The following CCDC148 variants were observed in gnomAD, a reference collection of about 807,000 sequenced individuals.
CCDC148 encodes the protein coiled-coil domain containing 148.
CCDC148 carries 89 observed loss-of-function variants against 85.7 expected under a neutral mutation model. That is an observed-to-expected ratio of 1.04 (90% CI 0.87 to 1.24). CCDC148 has a LOEUF of 1.24. CCDC148 is among the 50% of genes most tolerant of loss of function. The probability of loss-of-function intolerance (pLI) is 0.00; values close to 1 mark genes in which losing one functional copy is unlikely to be tolerated. For synonymous variants in CCDC148, 230 were observed against 213.9 expected, an observed-to-expected ratio of 1.08 and a Z score of -0.66; for missense variants, 692 against 671.7, an observed-to-expected ratio of 1.03 and a Z score of -0.33.
intron 10 of CCDC148, among the ~76,000 whole-genome samples, chr2:158,238,030 G>C (rs972427243): frequency 6.6e-6 from 1 of 151,940 alleles, no homozygotes; most frequent in Non-Finnish European, 1.5e-5. Flanking sequence ...ATGTTGGCAA[G>C]TGCGACATTG....
At chr2:158,414,367 C>T (rs1686397453) in intron 1 of CCDC148, among the ~76,000 whole-genome samples, 1 of 152,176 alleles carries the variant, frequency 6.6e-6, no homozygotes, top group Non-Finnish European at 1.5e-5. Context: ...TCTTCTGCAG[C>T]TTGTAGGATC....
At chr2:158,209,991 G>A (rs1686470770) in intron 11 of CCDC148, among the ~76,000 whole-genome samples, 1 of 152,124 alleles carries the variant, frequency 6.6e-6, no homozygotes, top group African/African-American at 2.4e-5. Flanking sequence ...TGGGCTAAAT[G>A]CCCCAATTAA....
rs565790875 is a variant in CCDC148 at position 158,277,801 on chromosome 2, T to C, written c.1111-26889A>G. Among the ~76,000 whole-genome samples the C allele has an allele frequency of 7.9e-5, 12 of 152,318 alleles. No individual in the cohort carries two copies. In the East Asian group the frequency reaches 9.7e-4, roughly 12 times the overall value. ...TTAGTAGAGATGGGGTTTCACCGTGTTAGCCAGGATGGTCTCAATCTCCTG... is the reference window on the plus strand; with the variant it reads ...TTAGTAGAGATGGGGTTTCACCGTGCTAGCCAGGATGGTCTCAATCTCCTG... On this transcript the variant is annotated intron_variant, in intron 9 of 13. Transcript: ENST00000283233.
chr2:158,434,673 T>C (rs555413987), intron 1 of CCDC148, among the ~76,000 whole-genome samples: 2 of 152,162 alleles, frequency 1.3e-5, no homozygotes, highest in East Asian at 3.9e-4. Context: ...AATAACAAAC[T>C]TCTCTGAGCT....
chr2:158,346,370 C>T (rs1156700462), intron 2 of CCDC148, among the ~76,000 whole-genome samples: 3 of 152,188 alleles, frequency 2.0e-5, no homozygotes, highest in Non-Finnish European at 4.4e-5. Flanking sequence ...TGAACAGTTC[C>T]ACTACGGTTC....
At chr2:158,244,376 C>T (rs1246109968) in intron 10 of CCDC148, among the ~76,000 whole-genome samples, 1 of 152,104 alleles carries the variant, frequency 6.6e-6, no homozygotes, top group Non-Finnish European at 1.5e-5. Context: ...TGGTTGGGCT[C>T]TCTGCTTATG....
intron 7 of CCDC148, among the ~76,000 whole-genome samples, chr2:158,331,997 C>G (rs909843153): frequency 6.6e-6 from 1 of 152,058 alleles, no homozygotes; most frequent in Admixed American, 6.5e-5. Context: ...GAGCATTTAG[C>G]CCATTTACAT....
chr2:158,247,152 G>A (rs1399363277), intron 10 of CCDC148, among the ~76,000 whole-genome samples: 1 of 152,004 alleles, frequency 6.6e-6, no homozygotes, highest in Non-Finnish European at 1.5e-5. Context: ...TTTATAAAGA[G>A]CTTTTACATA....
intron 1 of CCDC148, among the ~76,000 whole-genome samples, chr2:158,408,401 A>C (rs1387317980): frequency 2.6e-5 from 4 of 152,002 alleles, no homozygotes; most frequent in African/African-American, 9.7e-5. Flanking sequence ...TCTTCTCCCA[A>C]CCCCTGGCAA....
At chr2:158,374,874 C>A (rs937152577) in intron 1 of CCDC148, among the ~76,000 whole-genome samples, 1 of 151,112 alleles carries the variant, frequency 6.6e-6, no homozygotes, top group Admixed American at 6.6e-5. Flanking sequence ...TTGCAAATAA[C>A]CTAGGCACAT....
chr2:158,275,736 GAAA>G (rs11291236), intron 9 of CCDC148, among the ~76,000 whole-genome samples: 1 of 146,818 alleles, frequency 6.8e-6, no homozygotes, highest in East Asian at 2.0e-4. Context: ...AATTTAAATT[GAAA>G]AAAAAAAAAA....
chr2:158,240,062 C>A (rs1021693764), intron 10 of CCDC148, among the ~76,000 whole-genome samples: 1 of 151,608 alleles, frequency 6.6e-6, no homozygotes, highest in African/African-American at 2.4e-5. Flanking sequence ...GAGTGGCCCT[C>A]AGCCAAGTGG....
chr2:158,221,783 A>C (rs1405185979), intron 10 of CCDC148, among the ~76,000 whole-genome samples: 2 of 152,204 alleles, frequency 1.3e-5, no homozygotes, highest in South Asian at 4.1e-4. Context: ...TTAATGAATA[A>C]TTAAATAAGC....
chr2:158,214,140 A>T (rs1686727663), intron 11 of CCDC148, among the ~76,000 whole-genome samples: 1 of 151,830 alleles, frequency 6.6e-6, no homozygotes, highest in African/African-American at 2.4e-5. Context: ...AAAAAAAAAA[A>T]AAAAGACAAA....
chr2:158,332,083 T>A (rs1384391660), intron 7 of CCDC148, among the ~76,000 whole-genome samples: 1 of 152,178 alleles, frequency 6.6e-6, no homozygotes, highest in Non-Finnish European at 1.5e-5. Context: ...CGTTAGTTGA[T>A]GCAGTTTCTT....
intron 9 of CCDC148, among the ~76,000 whole-genome samples, chr2:158,278,239 G>A (rs374159818): frequency 9.2e-5 from 14 of 152,206 alleles, no homozygotes; most frequent in South Asian, 4.2e-4. Flanking sequence ...CTGAGGTACC[G>A]GGTTCATCTC....
At chr2:158,205,659 T>C (rs1175495879) in intron 11 of CCDC148, among the ~76,000 whole-genome samples, 7 of 152,104 alleles carry the variant, frequency 4.6e-5, no homozygotes, top group African/African-American at 1.4e-4. Context: ...AAGACAATCA[T>C]AATGCCAGAT....
intron 10 of CCDC148, among the ~76,000 whole-genome samples, chr2:158,230,616 A>C (rs961909588): frequency 1.3e-5 from 2 of 150,086 alleles, no homozygotes; most frequent in African/African-American, 4.9e-5. Flanking sequence ...AGGAAAAGCC[A>C]TTGAAGAGAC....
intron 2 of CCDC148, among the ~76,000 whole-genome samples, chr2:158,346,170 G>A (rs753283214): frequency 1.8e-4 from 27 of 152,104 alleles, no homozygotes; most frequent in Non-Finnish European, 2.6e-4. Context: ...TGCCTGATCT[G>A]CTCCATCTCA....
Sources: gnomAD v4.1 joint callset for allele counts (sites outside exome capture counted in the v4.1 genomes callset) on GRCh38, gnomAD v4.1.1 for gene constraint, MANE v1.5 for transcripts, NCBI Gene and HGNC (gene_info 2026-07-23, HGNC 2026-07-21) for gene names.